Variants in LPA observed in about 807,000 individuals in gnomAD.
LPA encodes the protein lipoprotein(a), also known as apolipoprotein(a).
In LPA, 199 loss-of-function variants were observed where a neutral mutation model predicts 197.9. That is an observed-to-expected ratio of 1.01 (90% CI 0.90 to 1.13). The LOEUF is 1.13. LPA is among the 50% of genes most tolerant of loss of function. The pLI, the probability that LPA is intolerant of heterozygous loss-of-function variation, is 0.00. For synonymous variants in LPA, 715 were observed against 639.5 expected (o/e 1.12, Z -1.78); for missense variants, 1,853 against 1,785.8 (o/e 1.04, Z -0.68).
chr6:160,572,001 G>T (rs1778571315), intron 28 of LPA, among the ~76,000 whole-genome samples: 2 of 152,336 alleles, frequency 1.3e-5, no homozygotes, highest in South Asian at 2.1e-4. Context: ...GGGCCCTGGT[G>T]GTGTAGGCAC....
Position 160,649,630 on chromosome 6 carries a change from G to A in LPA, c.209+708C>T, listed in dbSNP as rs932859136. Among the ~76,000 whole-genome samples the A allele has an allele frequency of 7.9e-5, 12 of 152,176 alleles. No homozygotes were observed. In the Middle Eastern group the frequency reaches 0.01, roughly 130 times the overall value. ...AGTTGATCTCATTGTTCTCTCTCTC[G>A]CAATTCCCTTGGTCCTCTACCATCT... On this transcript the variant is annotated intron_variant, in intron 2 of 38. Transcript: ENST00000316300.
intron 18 of LPA, 146 bp downstream of exon 18, chr6:160,604,900 C>T: frequency 7.5e-7 from 1 of 1,325,348 alleles, no homozygotes. Context: ...AGACTCTTTG[C>T]TCAAAGACAA....
intron 32 of LPA, 79 bp from the exon 33 acceptor site, chr6:160,545,612 A>G: frequency 1.2e-6 from 1 of 842,120 alleles, no homozygotes; most frequent in Admixed American, 1.7e-5. Flanking sequence ...CACACATTTC[A>G]CATCTATTCT....
chr6:160,591,176 G>T, intron 22 of LPA, 75 bp from the exon 23 acceptor site: 2 of 1,580,484 alleles, frequency 1.3e-6, no homozygotes, highest in Non-Finnish European at 8.6e-7. Flanking sequence ...TCTACATTTT[G>T]TTGTAACAAA....
At chr6:160,569,031 C>T (rs1346187983) in intron 28 of LPA, among the ~76,000 whole-genome samples, 1 of 152,128 alleles carries the variant, frequency 6.6e-6, no homozygotes, top group Non-Finnish European at 1.5e-5. Flanking sequence ...TAGGAAGAAT[C>T]AATATTGTGA....
At chr6:160,635,490 T>C (rs1779798942) in intron 6 of LPA, among the ~76,000 whole-genome samples, 186 bp from the exon 7 acceptor site, 1 of 105,062 alleles carries the variant, frequency 9.5e-6, no homozygotes, top group Non-Finnish European at 1.9e-5. Context: ...ACATCTCTCA[T>C]ACTTAATAGA....
chr6:160,652,096 AAAG>A (rs1270763372), intron 1 of LPA, among the ~76,000 whole-genome samples: 1 of 151,906 alleles, frequency 6.6e-6, no homozygotes, highest in African/African-American at 2.4e-5. Context: ...TACAGTCCAA[AAAG>A]AAGAATACAG....
chr6:160,655,557 G>T lies in LPA; in HGVS notation c.50-5060C>A, dbSNP rs564392829. 3.8e-3 allele frequency among the ~76,000 whole-genome samples: 580 copies of T among 152,162 alleles called. 5 individuals carry two copies. The highest frequency in any genetic ancestry group is 0.013 in the African/African-American group (555 of 41,534). On this transcript the variant is annotated intron_variant, in intron 1 of 38. Transcript: ENST00000316300. Reference sequence around the variant, plus strand: ...TGTGTTGCCTCCAAAATCCAAATAGGCCCACCAGGCATTGTGCCTCTTTCT... The same window carrying T: ...TGTGTTGCCTCCAAAATCCAAATAGTCCCACCAGGCATTGTGCCTCTTTCT...
intron 16 of LPA, among the ~76,000 whole-genome samples, chr6:160,606,947 CCTT>C (rs1376811910): frequency 2.0e-5 from 3 of 152,148 alleles, no homozygotes; most frequent in Admixed American, 6.5e-5. Context: ...AGAGTATTCT[CCTT>C]CTGCCTTCTG....
chr6:160,571,927 A>G (rs1301127712), intron 28 of LPA, among the ~76,000 whole-genome samples: 1 of 152,226 alleles, frequency 6.6e-6, no homozygotes, highest in East Asian at 1.9e-4. Flanking sequence ...GGGTATGAAA[A>G]AAAACTCCTG....
chr6:160,654,538 T>C (rs1780098575), intron 1 of LPA, among the ~76,000 whole-genome samples: 5 of 152,116 alleles, frequency 3.3e-5, no homozygotes, highest in Admixed American at 3.3e-4. Context: ...CTTGAACCCA[T>C]ACACACATCC....
chr6:160,610,991 C>G (rs562170561), intron 16 of LPA, among the ~76,000 whole-genome samples: 1 of 152,134 alleles, frequency 6.6e-6, no homozygotes, highest in Non-Finnish European at 1.5e-5. Context: ...TTTTCAGCAT[C>G]CCTCTCTGTG....
chr6:160,569,493 A>T (rs1015704181), intron 28 of LPA, among the ~76,000 whole-genome samples: 6 of 152,182 alleles, frequency 3.9e-5, no homozygotes, highest in Non-Finnish European at 5.9e-5. Flanking sequence ...AAGATGGATT[A>T]AAGACTTAAA....
intron 28 of LPA, among the ~76,000 whole-genome samples, chr6:160,574,006 G>A (rs1778609507): frequency 6.6e-6 from 1 of 152,166 alleles, no homozygotes; most frequent in South Asian, 2.1e-4. Flanking sequence ...GGGTAGGGAA[G>A]GACCATCAGT....
At chr6:160,553,103 A>G (rs1778192249) in intron 30 of LPA, among the ~76,000 whole-genome samples, 1 of 152,220 alleles carries the variant, frequency 6.6e-6, no homozygotes, top group African/African-American at 2.4e-5. Flanking sequence ...ACTTCCAGTT[A>G]TCATCTGCAT....
chr6:160,547,735 G>T lies in LPA; in HGVS notation c.5304+54C>A, dbSNP rs565117065. ...CAGTATTTTCCTCTGCCCCTCTTCT[G>T]TTTGAAAAGATTTGTCAGCAAAGGG... On this transcript the variant is annotated intron_variant, in intron 32 of 38. Coordinates refer to ENST00000316300, the MANE Select transcript of LPA (RefSeq NM_005577.4). 367 of 1,612,428 alleles carry T rather than the reference G, an allele frequency of 2.3e-4. 2 individuals are homozygous for T. The South Asian group carries it at 3.8e-3, about 17-fold the overall frequency.
At chr6:160,603,250 G>C (rs1007024358) in intron 18 of LPA, among the ~76,000 whole-genome samples, 1 of 151,676 alleles carries the variant, frequency 6.6e-6, no homozygotes, top group African/African-American at 2.4e-5. Flanking sequence ...GTGTGTGTGT[G>C]TGTGTGTGTG....
intron 12 of LPA, among the ~76,000 whole-genome samples, chr6:160,621,081 CT>C (rs1348509553): frequency 9.9e-6 from 1 of 101,368 alleles, no homozygotes; most frequent in East Asian, 2.9e-4. Flanking sequence ...CTATTCTGTA[CT>C]GTTAATTTCT....
At chr6:160,632,067 T>C (rs1779699455) in intron 8 of LPA, among the ~76,000 whole-genome samples, 1 of 148,380 alleles carries the variant, frequency 6.7e-6, no homozygotes, top group Admixed American at 6.7e-5. Flanking sequence ...TGGGTAATGT[T>C]TTCCTCTGAA....
Sources: gnomAD v4.1 joint callset for allele counts (sites outside exome capture counted in the v4.1 genomes callset) on GRCh38, gnomAD v4.1.1 for gene constraint, MANE v1.5 for transcripts, NCBI Gene and HGNC (gene_info 2026-07-23, HGNC 2026-07-21) for gene names.